CIP2A: variants seen among roughly 807,000 people sequenced by gnomAD.
The protein encoded by CIP2A is protein CIP2A.
A neutral mutation model predicts 110.9 loss-of-function variants in CIP2A; 103 were observed. The ratio of observed to expected loss-of-function variants is 0.93; its 90% CI spans 0.79 to 1.09. The LOEUF (loss-of-function observed/expected upper bound fraction) is 1.09. Among genes scored for constraint, CIP2A ranks in the 50% least tolerant of loss-of-function variants. The pLI is 0.00. For synonymous variants in CIP2A, 381 were observed against 361.6 expected, an observed-to-expected ratio of 1.05 and a Z score of -0.61; for missense variants, 1,088 against 1,038.4, an observed-to-expected ratio of 1.05 and a Z score of -0.66.
At chr3:108,565,004 A>G (rs1938135839) in intron 12 of CIP2A, among the ~76,000 whole-genome samples, 1 of 151,782 alleles carries the variant, frequency 6.6e-6, no homozygotes, top group African/African-American at 2.4e-5. Flanking sequence ...CATCAACCCT[A>G]ACCAAAAACA....
At chr3:108,565,492 A>G in intron 11 of CIP2A, 38 bp from the exon 12 acceptor site, 1 of 1,156,996 alleles carries the variant, frequency 8.6e-7, no homozygotes, top group Non-Finnish European at 1.3e-6. Context: ...GATAACTGAA[A>G]AATTTCTTAG....
At position 108,589,402 on chromosome 3, in the gene CIP2A, A is replaced by C; in HGVS notation, c.-27T>G. On this transcript the variant is annotated 5_prime_UTR_variant, in exon 1 of 21. Coordinates refer to ENST00000295746, the MANE Select transcript of CIP2A (RefSeq NM_020890.3). ...GCACCGGCCGCGGCCCGGCTTAGGGACCACCACCGCCCAGCGTGCGCCGGC... is the reference window on the plus strand; with the variant it reads ...GCACCGGCCGCGGCCCGGCTTAGGGCCCACCACCGCCCAGCGTGCGCCGGC... 6.5e-7 allele frequency: 1 copy of C among 1,538,718 alleles called. No individual in the cohort carries two copies. Among genetic ancestry groups the C allele is most frequent in the Non-Finnish European group, 8.9e-7 (1 of 1,117,566 alleles).
At chr3:108,568,394 ACT>A (rs1368956699) in intron 9 of CIP2A, 80 bp from the exon 10 acceptor site, 33 of 1,144,420 alleles carry the variant, frequency 2.9e-5, no homozygotes, top group Non-Finnish European at 4.0e-5. Context: ...GAATTGTAAC[ACT>A]CTCTTTAAAT....
Position 108,568,288 on chromosome 3 carries a change from G to T in CIP2A, c.1140C>A (p.Ser380=). 6.2e-7 allele frequency: 1 copy of T among 1,611,808 alleles called. No homozygotes were observed. Among genetic ancestry groups the T allele is most frequent in the Non-Finnish European group, 8.5e-7 (1 of 1,178,556 alleles). ...GAAGGGTCACAAAACGATCAGCCGA[G>T]GAACAGTTAGCAGCATCTATGACAT... ...FEDVIDAANC[S]SADRFVTLLL... is the part of the protein sequence containing the mutation. Residue 380 remains serine (S), a synonymous_variant, in exon 10 of 21, where the codon TCC becomes TCA. Coordinates refer to ENST00000295746, the MANE Select transcript of CIP2A (RefSeq NM_020890.3).
In CIP2A at chr3:108,581,505, A is replaced by G; in HGVS notation, c.459T>C (p.Ser153=). The G allele has an allele frequency of 6.2e-7, 1 of 1,601,084 alleles. No homozygotes were observed. The highest frequency in any genetic ancestry group is 1.1e-5 in the South Asian group (1 of 90,298). The change falls in exon 5 of 21, where the codon TCT becomes TCC. Residue 153 remains serine, a synonymous_variant. Transcript: ENST00000295746. ...AAGGCATTTTTAACTCATCTTCAGA[A>G]GATTGACTGTTGTTTTACATTGGTG... ...LITFLIDHIQ[S]SEDELKMPCL... is the part of the protein sequence containing the mutation.
chr3:108,581,610 A>G (rs1938882274), intron 4 of CIP2A, 99 bp from the exon 5 acceptor site: 3 of 682,208 alleles, frequency 4.4e-6, no homozygotes, highest in Admixed American at 2.8e-5. Flanking sequence ...AAGTTTATAC[A>G]TTTCAATTCC....
chr3:108,571,729 T>C (rs1295613748), intron 8 of CIP2A, among the ~76,000 whole-genome samples: 1 of 152,202 alleles, frequency 6.6e-6, no homozygotes, highest in African/African-American at 2.4e-5. Flanking sequence ...TTAGGAGCAG[T>C]ACTACATTTT....
chr3:108,581,351 A>T, intron 5 of CIP2A, 64 bp downstream of exon 5: 2 of 1,131,446 alleles, frequency 1.8e-6, no homozygotes, highest in Non-Finnish European at 2.6e-6. Context: ...AGATAAATAC[A>T]ATTTTCTTTA....
intron 19 of CIP2A, 94 bp downstream of exon 19, chr3:108,553,554 A>G (rs1937650067): frequency 9.2e-7 from 1 of 1,085,346 alleles, no homozygotes; most frequent in African/African-American, 1.6e-5. Flanking sequence ...AGTTTAAAAC[A>G]ATAAGTAGAA....
At chr3:108,570,469 G>GT (rs1181584066) in intron 8 of CIP2A, among the ~76,000 whole-genome samples, 2 of 152,154 alleles carry the variant, frequency 1.3e-5, no homozygotes, top group South Asian at 2.1e-4. Flanking sequence ...TGTGAACATC[G>GT]TAAGAGTGTA....
rs762172421 is a variant in CIP2A, at chr3:108,551,224, G to A, written c.2643C>T (p.His881=). The A allele has an allele frequency of 3.7e-6, 6 of 1,611,852 alleles. No individual in the cohort carries two copies. Among genetic ancestry groups the A allele is most frequent in the South Asian group, 1.1e-5 (1 of 90,928 alleles). Residue 881 remains histidine (H), a synonymous_variant, in exon 21 of 21, where the codon CAC becomes CAT. Coordinates refer to ENST00000295746, the MANE Select transcript of CIP2A (RefSeq NM_020890.3). ...TGTGGATCATTGCTATCATGTGGGA[G>A]TGTTTGTTCAATTCCTCTTGCTGAA... ...VKLQQEELNK[H]SHMIAMIHSL...
Position 108,585,194 on chromosome 3 carries a change from G to A in CIP2A, c.121C>T (p.Leu41Phe). ...RHLEVISGQK[L>F]TRLFTSNQIL... ...TGATTTGATGTAAATAGTCGTGTGA[G>A]TTTCTGTCCAGAAATTACCTATAAA... The change falls in exon 2 of 21, where the codon CTC (leucine) becomes TTC (phenylalanine). Residue 41 changes from leucine to phenylalanine, a missense_variant. Coordinates refer to ENST00000295746, the MANE Select transcript of CIP2A (RefSeq NM_020890.3). The A allele has an allele frequency of 6.2e-7, 1 of 1,609,460 alleles. No individual in the cohort carries two copies. Among genetic ancestry groups the A allele is most frequent in the South Asian group, 1.1e-5 (1 of 90,050 alleles).
chr3:108,559,735 T>C, intron 16 of CIP2A, 22 bp downstream of exon 16: 1 of 1,343,370 alleles, frequency 7.4e-7, no homozygotes, highest in Non-Finnish European at 1.0e-6. Flanking sequence ...ACAAATCAGA[T>C]GTGTCTTTAT....
chr3:108,554,987 C>A (rs562237935), intron 17 of CIP2A, among the ~76,000 whole-genome samples: 10 of 152,110 alleles, frequency 6.6e-5, no homozygotes, highest in African/African-American at 2.2e-4. Context: ...AAAACCAAAC[C>A]AAAACAAACA....
In CIP2A at chr3:108,559,778, T is replaced by C. The variant is rs1346878288; in HGVS notation, c.1992A>G (p.Gln664=). Residue 664 remains glutamine, a synonymous_variant, in exon 16 of 21, where the codon CAA becomes CAG. Transcript: ENST00000295746. The part of the protein sequence containing the change: ...ADRLIAQHRC[Q]RTQAETEART... ...ACACCTCTGTTTCAGCTTGAGTTCT[T>C]TGACAGCGATGCTGAGCAATCAGTC... 1.3e-5 allele frequency: 21 copies of C among 1,586,332 alleles called. No individual in the cohort carries two copies. Among genetic ancestry groups the C allele is most frequent in the Non-Finnish European group, 1.8e-5 (21 of 1,160,070 alleles).
intron 13 of CIP2A, among the ~76,000 whole-genome samples, chr3:108,561,438 C>T (rs1465017461): frequency 2.0e-5 from 3 of 152,232 alleles, no homozygotes; most frequent in Admixed American, 2.0e-4. Flanking sequence ...AACCGCAGCA[C>T]TTTGGGAGGA....
chr3:108,582,446 T>C (rs1938914756), intron 3 of CIP2A, among the ~76,000 whole-genome samples: 1 of 152,210 alleles, frequency 6.6e-6, no homozygotes, highest in Non-Finnish European at 1.5e-5. Flanking sequence ...TTGAATGCAG[T>C]TTGAAACACA....
At position 108,579,636 on chromosome 3, in the gene CIP2A, C is replaced by G. The variant is rs1336870168; in HGVS notation, c.602G>C (p.Ser201Thr). The G allele has an allele frequency of 1.5e-5, 24 of 1,604,278 alleles. No homozygotes were observed. Among genetic ancestry groups the G allele is most frequent in the Non-Finnish European group, 2.0e-5 (23 of 1,175,164 alleles). ...AAGTGCAAACACAACCACAGTTAAA[C>G]TACTATGGGCCAACAAGGTGATAAG... ...RTLITLLAHSSLTVVVFALSI... is the reference protein window; with the variant it reads ...RTLITLLAHSTLTVVVFALSI... Residue 201 changes from serine to threonine, a missense_variant, in exon 6 of 21, where the codon AGT (serine) becomes ACT (threonine). Ser to Thr is a moderately conservative substitution (Grantham distance 58). Transcript: ENST00000295746.
At position 108,589,410 on chromosome 3, in the gene CIP2A, C is replaced by T; in HGVS notation, c.-35G>A. 1 of 1,492,848 alleles carries T rather than the reference C, an allele frequency of 6.7e-7. No homozygotes were observed. The highest frequency in any genetic ancestry group is 9.3e-7 in the Non-Finnish European group (1 of 1,079,740). 92.5% of individuals were successfully genotyped at this position (1,492,848 alleles called of 1,614,324 possible). ...CGCGGCCCGGCTTAGGGACCACCAC[C>T]GCCCAGCGTGCGCCGGCCTTTAGCT... is the stretch of plus-strand genomic sequence containing the variant. On this transcript the variant is annotated 5_prime_UTR_variant, in exon 1 of 21. Coordinates refer to ENST00000295746, the MANE Select transcript of CIP2A (RefSeq NM_020890.3).
Sources: gnomAD v4.1 joint callset for allele counts (sites outside exome capture counted in the v4.1 genomes callset) on GRCh38, gnomAD v4.1.1 for gene constraint, MANE v1.5 for transcripts, NCBI Gene and HGNC (gene_info 2026-07-23, HGNC 2026-07-21) for gene names.